The following ADAMTS14 variants were observed in gnomAD, a reference collection of about 807,000 sequenced individuals.
ADAMTS14 encodes ADAM metallopeptidase with thrombospondin type 1 motif 14.
A neutral mutation model predicts 128.6 loss-of-function variants in ADAMTS14; 100 were observed. That is an observed-to-expected ratio of 0.78 (90% CI 0.66 to 0.92). The LOEUF is 0.92. Among genes scored for constraint, ADAMTS14 ranks in the 40% least tolerant of loss-of-function variants. ADAMTS14 has a pLI of 0.00. For synonymous variants in ADAMTS14, 665 were observed against 653.8 expected (o/e 1.02, Z -0.26); for missense variants, 1,562 against 1,658.6 (o/e 0.94, Z 1.01).
At chr10:70,749,784 A>T (rs1377558997) in intron 15 of ADAMTS14, 38 bp from the exon 16 acceptor site, 1 of 1,604,762 alleles carries the variant, frequency 6.2e-7, no homozygotes, top group Non-Finnish European at 8.5e-7. Flanking sequence ...TGTGGAGAGG[A>T]GCAGAAATCT....
chr10:70,704,195 G>T (rs994912866), intron 3 of ADAMTS14, among the ~76,000 whole-genome samples: 1 of 152,172 alleles, frequency 6.6e-6, no homozygotes, highest in Admixed American at 6.5e-5. Flanking sequence ...TGTGGCTGAG[G>T]CTGTGGAGGG....
intron 2 of ADAMTS14, among the ~76,000 whole-genome samples, chr10:70,698,333 G>A (rs754521525): frequency 3.3e-5 from 5 of 152,154 alleles, no homozygotes; most frequent in Non-Finnish European, 5.9e-5. Context: ...ATTGAGAGAC[G>A]GGAGTACTTT....
intron 9 of ADAMTS14, 94 bp downstream of exon 9, chr10:70,735,395 A>G (rs768634995): frequency 1.0e-5 from 15 of 1,503,078 alleles, no homozygotes; most frequent in Non-Finnish European, 1.3e-5. Context: ...CCTTCTGCCC[A>G]GCTGGCCAGT....
At chr10:70,756,160 T>G (rs1842475370) in intron 19 of ADAMTS14, among the ~76,000 whole-genome samples, 1 of 152,218 alleles carries the variant, frequency 6.6e-6, no homozygotes, top group South Asian at 2.1e-4. Context: ...ATGGATGTCA[T>G]TTCCTTAATG....
intron 4 of ADAMTS14, among the ~76,000 whole-genome samples, chr10:70,721,543 G>A (rs1185049667): frequency 2.6e-5 from 4 of 151,724 alleles, no homozygotes; most frequent in Non-Finnish European, 2.9e-5. Flanking sequence ...CCGCCACCAC[G>A]CCTGGCTAAT....
At chr10:70,740,930 GGCCCTCCCC>G (rs1285717735) in intron 11 of ADAMTS14, 48 bp from the exon 12 acceptor site, 1 of 1,575,310 alleles carries the variant, frequency 6.3e-7, no homozygotes, top group East Asian at 2.3e-5. Flanking sequence ...TGGGAAACCT[GGCCCTCCCC>G]AGCCTTCCCA....
At chr10:70,709,065 G>A (rs540823871) in intron 4 of ADAMTS14, among the ~76,000 whole-genome samples, 33 of 152,366 alleles carry the variant, frequency 2.2e-4, no homozygotes, top group African/African-American at 7.7e-4. Flanking sequence ...CTGCGCTGGA[G>A]CCTGTGGACA....
In ADAMTS14 at chr10:70,688,009, G is replaced by A. The variant is rs1476361899; in HGVS notation, c.522+13014G>A. Among the ~76,000 whole-genome samples, 4 of 63,610 alleles carry A rather than the reference G, an allele frequency of 6.3e-5. 1 individual carries two copies. Among genetic ancestry groups the A allele is most frequent in the Admixed American group, 1.6e-4 (1 of 6,152 alleles). The allele number at this position is 63,610 out of a possible 152,430, so 41.7% of individuals were successfully genotyped here. On this transcript the variant is annotated intron_variant, in intron 2 of 21. Transcript: ENST00000373207. ...TCCCGGACGGGGTGGCTGCCGGGCG[G>A]AGACGCTCCTCACTTCCCAGATGGG...
chr10:70,743,563 A>G lies in ADAMTS14; in HGVS notation c.1940A>G (p.Glu647Gly), dbSNP rs986833859. The stretch of plus-strand genomic sequence containing the variant: ...CTCCCTACAGACGCCCAGAAGTGTG[A>G]GCTGATCTGCCAGTCGGCGGACACG... Reference protein sequence around the residue: ...YEPDDDAQKCELICQSADTGD... With the variant: ...YEPDDDAQKCGLICQSADTGD... The change falls in exon 13 of 22, where the codon GAG becomes GGG. Residue 647 changes from glutamate (E) to glycine (G), a missense_variant. Glu to Gly is a moderately conservative substitution (Grantham distance 98). Transcript: ENST00000373207. 1.2e-6 allele frequency: 2 copies of G among 1,612,266 alleles called. No individual in the cohort carries two copies. Among genetic ancestry groups the G allele is most frequent in the Admixed American group, 3.4e-5 (2 of 59,484 alleles).
At position 70,741,178 on chromosome 10, in the gene ADAMTS14, C is replaced by A. The variant is rs769029678; in HGVS notation, c.1924+16C>A. The A allele has an allele frequency of 1.1e-5, 18 of 1,609,912 alleles. No individual in the cohort carries two copies. Among genetic ancestry groups the A allele is most frequent in the Admixed American group, 1.7e-5 (1 of 59,916 alleles). On this transcript the variant is annotated intron_variant, in intron 12 of 21. Coordinates refer to ENST00000373207, the MANE Select transcript of ADAMTS14 (RefSeq NM_080722.4). ...CCTGACGATGGTGAGTGGGCCCCAC[C>A]CCCCTCCCACTCCATGTCCTTAGGC...
rs187823368 is a variant in ADAMTS14, at chr10:70,754,797, G to A, written c.2937+790G>A. On this transcript the variant is annotated intron_variant, in intron 19 of 21. Coordinates refer to ENST00000373207, the MANE Select transcript of ADAMTS14 (RefSeq NM_080722.4). ...TTCAGGTTGTAAAGATCACTCTGAC[G>A]GTGCTGTGGAAGGTTGAGCGTTAGA... Among the ~76,000 whole-genome samples the A allele has an allele frequency of 2.2e-4, 34 of 152,300 alleles. No individual in the cohort carries two copies. The East Asian group carries it at 6.0e-3, about 27-fold the overall frequency.
At chr10:70,718,570 G>T (rs975824479) in intron 4 of ADAMTS14, among the ~76,000 whole-genome samples, 2 of 151,970 alleles carry the variant, frequency 1.3e-5, no homozygotes, top group East Asian at 3.9e-4. Context: ...ATTTTTAGTA[G>T]TGATGGGGAT....
In ADAMTS14 at chr10:70,681,631, C is replaced by T. The variant is rs189064423; in HGVS notation, c.522+6636C>T. Among the ~76,000 whole-genome samples the T allele has an allele frequency of 1.8e-4, 27 of 152,278 alleles. No individual in the cohort carries two copies. The East Asian group carries it at 4.1e-3, about 23-fold the overall frequency. On this transcript the variant is annotated intron_variant, in intron 2 of 21. Coordinates refer to ENST00000373207, the MANE Select transcript of ADAMTS14 (RefSeq NM_080722.4). ...CTGTGCCAAACACCTGTCCTTGCCC[C>T]GGGGGCTGCTCTTGACTGGCTGGAT...
chr10:70,732,449 G>A (rs958576361), intron 7 of ADAMTS14, 90 bp downstream of exon 7: 15 of 1,254,256 alleles, frequency 1.2e-5, no homozygotes, highest in Non-Finnish European at 1.6e-5. Flanking sequence ...GCCCAGCTTG[G>A]CCTGGTTCCA....
intron 6 of ADAMTS14, among the ~76,000 whole-genome samples, chr10:70,731,109 CAT>C (rs1382015779): frequency 2.7e-5 from 4 of 147,938 alleles, no homozygotes; most frequent in African/African-American, 7.5e-5. Context: ...CATCCACACA[CAT>C]GTACAGGCCC....
At chr10:70,679,882 A>C (rs1274822010) in intron 2 of ADAMTS14, among the ~76,000 whole-genome samples, 3 of 152,186 alleles carry the variant, frequency 2.0e-5, no homozygotes, top group Non-Finnish European at 2.9e-5. Context: ...CTCACCACTG[A>C]ACAAGTCACA....
In ADAMTS14 at chr10:70,674,569, T is replaced by A. The variant is rs1333086367; in HGVS notation, c.96T>A (p.Ser32=). 1 of 1,611,960 alleles carries A rather than the reference T, an allele frequency of 6.2e-7. No homozygotes were observed. Among genetic ancestry groups the A allele is most frequent in the African/African-American group, 1.3e-5 (1 of 75,010 alleles). ...TACCTCCAACAGAGCTGCACCTCTC[T>A]GGAAAGCTCAGTGACTATGGTGTGA... ...AGSRTPELHL[S]GKLSDYGVTV... is the part of the protein sequence containing the mutation. Residue 32 remains serine, a synonymous_variant, in exon 2 of 22, where the codon TCT becomes TCA. Coordinates refer to ENST00000373207, the MANE Select transcript of ADAMTS14 (RefSeq NM_080722.4).
In ADAMTS14 at chr10:70,714,838, C is replaced by T. The variant is rs184501949; in HGVS notation, c.870+6060C>T. On this transcript the variant is annotated intron_variant, in intron 4 of 21. Transcript: ENST00000373207. ...TGGTGCGCCTGTAGTTCCAGCTGCT[C>T]GGGAGGCTGAGGCAGGAGAATTGCT... Among the ~76,000 whole-genome samples the T allele has an allele frequency of 1.3e-3, 198 of 147,908 alleles. 1 individual carries two copies. The highest frequency in any genetic ancestry group is 4.6e-3 in the African/African-American group (184 of 40,002).
At position 70,735,331 on chromosome 10, in the gene ADAMTS14, G is replaced by T. The variant is rs1219918244; in HGVS notation, c.1485+30G>T. 10 of 1,611,264 alleles carry T rather than the reference G, an allele frequency of 6.2e-6. No individual in the cohort carries two copies. The African/African-American group carries it at 1.2e-4, about 19-fold the overall frequency. The stretch of plus-strand genomic sequence containing the variant: ...GTAGCCATCTGGCCTCTGCCAGGTG[G>T]TTGGGGGCCAGGGCAGTGTCCTTCT... On this transcript the variant is annotated intron_variant, in intron 9 of 21. Coordinates refer to ENST00000373207, the MANE Select transcript of ADAMTS14 (RefSeq NM_080722.4).
Sources: allele counts gnomAD v4.1 joint callset (sites outside exome capture counted in the v4.1 genomes callset), GRCh38; gene constraint gnomAD v4.1.1; transcripts MANE v1.5; gene names NCBI Gene and HGNC (gene_info 2026-07-23, HGNC 2026-07-21).